SPTBN1: variants seen among roughly 807,000 people sequenced by gnomAD.
SPTBN1 encodes spectrin beta, non-erythrocytic 1, also known as spectrin beta chain, non-erythrocytic 1.
A neutral mutation model predicts 266.4 loss-of-function variants in SPTBN1; 32 were observed. That is an observed-to-expected ratio of 0.12 (90% CI 0.09 to 0.16). The LOEUF (loss-of-function observed/expected upper bound fraction) is 0.16, where lower values mean the gene tolerates loss of function less well. Among genes scored for constraint, SPTBN1 ranks in the 10% least tolerant of loss-of-function variants. SPTBN1 has a pLI of 1.00. For missense variants in SPTBN1, 2,296 were observed against 3,067.1 expected (o/e 0.75, Z 5.94); for synonymous variants, 1,336 against 1,162.2 (o/e 1.15, Z -3.04).
chr2:54,539,641 G>A (rs1162794235), intron 2 of SPTBN1, among the ~76,000 whole-genome samples: 1 of 152,194 alleles, frequency 6.6e-6, no homozygotes, highest in Non-Finnish European at 1.5e-5. Context: ...CCGTACTCAA[G>A]TCATCCTCCC....
At chr2:54,499,299 A>C (rs558341967) in intron 1 of SPTBN1, among the ~76,000 whole-genome samples, 36 of 152,164 alleles carry the variant, frequency 2.4e-4, no homozygotes, top group South Asian at 1.0e-3. Context: ...TTGTTTGTTT[A>C]AACTTTGCTG....
intron 2 of SPTBN1, among the ~76,000 whole-genome samples, chr2:54,585,527 T>A (rs1445226544): frequency 6.6e-6 from 1 of 152,206 alleles, no homozygotes; most frequent in African/African-American, 2.4e-5. Context: ...AACCATTTTA[T>A]GTGTGAGGTT....
intron 2 of SPTBN1, among the ~76,000 whole-genome samples, chr2:54,567,967 G>GAT (rs1673780585): frequency 6.6e-6 from 1 of 152,184 alleles, no homozygotes; most frequent in Non-Finnish European, 1.5e-5. Context: ...ATTCAGTATA[G>GAT]ATAGATGACT....
intron 1 of SPTBN1, among the ~76,000 whole-genome samples, chr2:54,491,056 G>A (rs747938161): frequency 6.6e-6 from 1 of 152,166 alleles, no homozygotes; most frequent in Non-Finnish European, 1.5e-5. Context: ...GCATGGAAGA[G>A]GATGGATTTC....
chr2:54,583,113 A>G (rs1332588152), intron 2 of SPTBN1, among the ~76,000 whole-genome samples: 3 of 151,756 alleles, frequency 2.0e-5, no homozygotes, highest in Non-Finnish European at 2.9e-5. Flanking sequence ...ATGAACCCCC[A>G]TTTGCCTCTG....
At chr2:54,508,138 A>G (rs1477211234) in intron 1 of SPTBN1, among the ~76,000 whole-genome samples, 2 of 152,164 alleles carry the variant, frequency 1.3e-5, no homozygotes, top group Non-Finnish European at 2.9e-5. Flanking sequence ...AGCCTGAGAA[A>G]CTGCTTGGGT....
At chr2:54,522,819 A>G (rs947231345) in intron 1 of SPTBN1, among the ~76,000 whole-genome samples, 2 of 152,136 alleles carry the variant, frequency 1.3e-5, no homozygotes, top group South Asian at 4.1e-4. Flanking sequence ...GGGCTTCTGC[A>G]GGAGTCAGGT....
At chr2:54,498,899 C>G (rs972800923) in intron 1 of SPTBN1, among the ~76,000 whole-genome samples, 1 of 152,130 alleles carries the variant, frequency 6.6e-6, no homozygotes, top group African/African-American at 2.4e-5. Flanking sequence ...GTGTTTTCAC[C>G]TAGTGGTTAA....
intron 1 of SPTBN1, among the ~76,000 whole-genome samples, chr2:54,461,296 T>G (rs1421748643): frequency 1.3e-5 from 2 of 152,254 alleles, no homozygotes; most frequent in African/African-American, 2.4e-5. Context: ...TTCATTCAGT[T>G]TCACCTGCTG....
chr2:54,653,323 G>A lies in SPTBN1; in HGVS notation c.5578-286G>A. 1 of 349,608 alleles carries A rather than the reference G, an allele frequency of 2.9e-6. No homozygotes were observed. The highest frequency in any genetic ancestry group is 4.7e-5 in the Admixed American group (1 of 21,280). 21.7% of individuals were successfully genotyped at this position (349,608 alleles called of 1,614,324 possible). ...ATGTCCCACTCAGATATCCCAGGCT[G>A]CCTCCAGGGGACTTTCCCTGACTAA... is the stretch of plus-strand genomic sequence containing the variant. On this transcript the variant is annotated intron_variant, in intron 26 of 35. Coordinates refer to ENST00000356805, the MANE Select transcript of SPTBN1 (RefSeq NM_003128.3). The surrounding 1 kb of genome is among the most constrained non-coding windows in gnomAD (Gnocchi z 5.1).
intron 3 of SPTBN1, among the ~76,000 whole-genome samples, chr2:54,611,268 A>G (rs1031133312): frequency 6.6e-6 from 1 of 152,144 alleles, no homozygotes. Context: ...ACCAATCTCT[A>G]AAAAGTTTTC....
chr2:54,563,151 T>C (rs1673432354), intron 2 of SPTBN1, among the ~76,000 whole-genome samples: 1 of 152,194 alleles, frequency 6.6e-6, no homozygotes, highest in Admixed American at 6.5e-5. Flanking sequence ...TTTATATATA[T>C]ATTTTCTTTT....
chr2:54,600,302 C>G (rs879479506), intron 3 of SPTBN1, among the ~76,000 whole-genome samples: 15 of 152,158 alleles, frequency 9.9e-5, no homozygotes, highest in Admixed American at 8.5e-4. Context: ...CCCTTCAGTT[C>G]AAGAACAGGG....
Position 54,648,832 on chromosome 2 carries a change from A to T in SPTBN1, c.4998-154A>T, listed in dbSNP as rs1324037355. Among the ~76,000 whole-genome samples the T allele has an allele frequency of 2.0e-5, 3 of 152,148 alleles. No homozygotes were observed. In the East Asian group the frequency reaches 5.8e-4, roughly 29 times the overall value. On this transcript the variant is annotated intron_variant, in intron 24 of 35. Coordinates refer to ENST00000356805, the MANE Select transcript of SPTBN1 (RefSeq NM_003128.3). ...ACTTCAAATTGTGGCCAATTTCAGA[A>T]TTTTATTTTTCATGCTAAGTGGGTT...
chr2:54,665,956 T>C lies in SPTBN1; in HGVS notation c.6701T>C (p.Met2234Thr), dbSNP rs780773294. 2 of 1,613,976 alleles carry C rather than the reference T, an allele frequency of 1.2e-6. No homozygotes were observed. Among genetic ancestry groups the C allele is most frequent in the South Asian group, 2.2e-5 (2 of 91,060 alleles). Residue 2234 changes from methionine (M) to threonine (T), a missense_variant, in exon 34 of 36, where the codon ATG becomes ACG. By Grantham distance (81) the Met-to-Thr change is moderately conservative. This residue lies in a region of SPTBN1 where 347 missense variants were observed against 368.5 expected (regional missense o/e 0.94). Transcript: ENST00000356805. ...NVYCVINNQE[M>T]GFYKDAKTAA... The stretch of plus-strand genomic sequence containing the variant: ...TATTGTGTCATAAATAACCAAGAAA[T>C]GGGTTTCTACAAAGATGCAAAGACT...
chr2:54,618,072 G>T lies in SPTBN1; in HGVS notation c.648-6G>T. 6.2e-7 allele frequency: 1 copy of T among 1,610,762 alleles called. No individual in the cohort carries two copies. Among genetic ancestry groups the T allele is most frequent in the Non-Finnish European group, 8.5e-7 (1 of 1,177,672 alleles). On this transcript the variant is annotated splice_polypyrimidine_tract_variant and splice_region_variant and intron_variant, in intron 6 of 35. Coordinates refer to ENST00000356805, the MANE Select transcript of SPTBN1 (RefSeq NM_003128.3). Reference sequence around the variant, plus strand: ...TTTTGTTGTGTCCCACTGTTGTTCTGCACAGGCCTGACCTGATAGATTTTG... The same window carrying T: ...TTTTGTTGTGTCCCACTGTTGTTCTTCACAGGCCTGACCTGATAGATTTTG...
intron 2 of SPTBN1, among the ~76,000 whole-genome samples, chr2:54,539,503 C>T (rs1386038953): frequency 1.3e-5 from 2 of 152,106 alleles, no homozygotes; most frequent in East Asian, 3.9e-4. Context: ...AAAGATAATT[C>T]CTTTTAAAAG....
chr2:54,597,858 GCTAT>G (rs1676198584), intron 2 of SPTBN1, among the ~76,000 whole-genome samples: 1 of 139,112 alleles, frequency 7.2e-6, no homozygotes, highest in Non-Finnish European at 1.5e-5. Context: ...AAATTGTTGA[GCTAT>G]CTGCTTTTTT....
chr2:54,503,922 A>C (rs1381354982), intron 1 of SPTBN1, among the ~76,000 whole-genome samples: 1 of 152,240 alleles, frequency 6.6e-6, no homozygotes, highest in Non-Finnish European at 1.5e-5. Context: ...TAAAACAGCC[A>C]TAACAAACCA....
Sources: allele counts gnomAD v4.1 joint callset (sites outside exome capture counted in the v4.1 genomes callset), GRCh38; gene constraint gnomAD v4.1.1; regional missense constraint gnomAD v4.1.1; non-coding constraint Gnocchi (gnomAD v3.1); transcripts MANE v1.5; gene names NCBI Gene and HGNC (gene_info 2026-07-23, HGNC 2026-07-21).